The following SEC24A variants were observed in gnomAD, a reference collection of about 807,000 sequenced individuals.
The protein encoded by SEC24A is protein transport protein Sec24A.
Under a neutral mutation model 129.4 loss-of-function variants are expected in SEC24A, and 93 were observed. The ratio of observed to expected loss-of-function variants is 0.72; its 90% confidence interval spans 0.61 to 0.85. The LOEUF is 0.85. Among genes scored for constraint, SEC24A ranks in the 40% least tolerant of loss-of-function variants. The pLI is 0.00. For missense variants in SEC24A, 1,264 were observed against 1,307.4 expected, an observed-to-expected ratio of 0.97 and a Z score of 0.51; for synonymous variants, 460 against 467.3, an observed-to-expected ratio of 0.98 and a Z score of 0.20.
chr5:134,679,551 A>C, intron 7 of SEC24A, 51 bp from the exon 8 acceptor site: 1 of 1,367,864 alleles, frequency 7.3e-7, no homozygotes, highest in Non-Finnish European at 1.0e-6. Flanking sequence ...TTATGTTTTC[A>C]ACATGATGAT....
In SEC24A at chr5:134,693,797, G is replaced by T; in HGVS notation, c.1850G>T (p.Gly617Val). Residue 617 changes from glycine to valine, a missense_variant, in exon 13 of 23, where the codon GGT becomes GTT. Physicochemically the swap from Gly to Val is moderately radical, Grantham distance 109. Transcript: ENST00000398844. ...ACTCTGGAGACCCAGAGTGCCTTGG[G>T]TCCTGCACTGCAGGCTGCCTTTAAG... ...TKTLETQSAL[G>V]PALQAAFKLM... 5.0e-6 allele frequency: 8 copies of T among 1,614,144 alleles called. No individual in the cohort carries two copies. Among genetic ancestry groups the T allele is most frequent in the Non-Finnish European group, 5.9e-6 (7 of 1,180,026 alleles).
In SEC24A at chr5:134,702,542, C is replaced by T. The variant is rs528594189; in HGVS notation, c.2267-1217C>T. The stretch of plus-strand genomic sequence containing the variant: ...ATGGTATATATCACTTGGTATATAC[C>T]GAATTTCCTATACATTTGCATACTT... On this transcript the variant is annotated intron_variant, in intron 15 of 22. Transcript: ENST00000398844. 1.2e-4 allele frequency among the ~76,000 whole-genome samples: 18 copies of T among 151,852 alleles called. No homozygotes were observed. In the South Asian group the frequency reaches 2.7e-3, roughly 23 times the overall value.
chr5:134,692,186 A>G (rs1751680488), intron 11 of SEC24A, among the ~76,000 whole-genome samples: 1 of 150,876 alleles, frequency 6.6e-6, no homozygotes, highest in Non-Finnish European at 1.5e-5. Context: ...AGCTGGGACT[A>G]TAGGCATGTA....
In SEC24A at chr5:134,703,779, C is replaced by T. The variant is rs1214092178; in HGVS notation, c.2287C>T (p.His763Tyr). Residue 763 changes from histidine (H) to tyrosine (Y), a missense_variant, in exon 16 of 23, where the codon CAT becomes TAT. Transcript: ENST00000398844. ...TCTAGGTCTTTCCATTCATACTTTCCATGGAAACTTCTTTGTTAGGTCAAC... is the reference window on the plus strand; with the variant it reads ...TCTAGGTCTTTCCATTCATACTTTCTATGGAAACTTCTTTGTTAGGTCAAC... Reference protein sequence around the residue: ...CTKGLSIHTFHGNFFVRSTDL... With the variant: ...CTKGLSIHTFYGNFFVRSTDL... The T allele has an allele frequency of 2.5e-6, 4 of 1,611,322 alleles. No individual in the cohort carries two copies. In the African/African-American group the frequency reaches 4.0e-5, roughly 16 times the overall value.
intron 9 of SEC24A, among the ~76,000 whole-genome samples, chr5:134,685,514 A>G (rs1238943604): frequency 6.6e-6 from 1 of 152,216 alleles, no homozygotes; most frequent in Non-Finnish European, 1.5e-5. Context: ...CAAATAATAC[A>G]CTATTGTATG....
At chr5:134,719,775 C>T (rs780289568) in intron 20 of SEC24A, among the ~76,000 whole-genome samples, 9 of 152,032 alleles carry the variant, frequency 5.9e-5, no homozygotes, top group East Asian at 1.9e-4. Context: ...CACCTTAGGT[C>T]GGGAGTTCAA....
At chr5:134,680,813 T>G (rs1054420569) in intron 8 of SEC24A, among the ~76,000 whole-genome samples, 1 of 152,032 alleles carries the variant, frequency 6.6e-6, no homozygotes, top group African/African-American at 2.4e-5. Context: ...AAAACCAGTT[T>G]TATTGGATGG....
At position 134,674,774 on chromosome 5, in the gene SEC24A, A is replaced by G; in HGVS notation, c.977A>G (p.Gln326Arg). The G allele has an allele frequency of 6.2e-7, 1 of 1,609,792 alleles. No individual in the cohort carries two copies. ...CCAAGTGGGCCACAAGCCTTTACTCAGGTAAACTTTTTGGGATTTTCTTTA... is the reference window on the plus strand; with the variant it reads ...CCAAGTGGGCCACAAGCCTTTACTCGGGTAAACTTTTTGGGATTTTCTTTA... ...NYPSGPQAFT[Q>R]TPLGANHLTT... Residue 326 changes from glutamine (Q) to arginine (R), a missense_variant and splice_region_variant, in exon 5 of 23, where the codon CAG becomes CGG. Physicochemically the swap from Gln to Arg is conservative, Grantham distance 43. Coordinates refer to ENST00000398844, the MANE Select transcript of SEC24A (RefSeq NM_021982.3).
At chr5:134,659,793 C>T (rs1214664496) in intron 1 of SEC24A, among the ~76,000 whole-genome samples, 1 of 151,946 alleles carries the variant, frequency 6.6e-6, no homozygotes, top group African/African-American at 2.4e-5. Flanking sequence ...CTGGGACTTA[C>T]AGGCAGGCGC....
chr5:134,692,485 GT>G, intron 11 of SEC24A, 116 bp from the exon 12 acceptor site: 1 of 606,364 alleles, frequency 1.6e-6, no homozygotes, highest in Non-Finnish European at 3.0e-6. Flanking sequence ...TGCTATAATA[GT>G]GGAGGAGGTG....
At chr5:134,687,414 T>C (rs967065295) in intron 10 of SEC24A, among the ~76,000 whole-genome samples, 6 of 152,216 alleles carry the variant, frequency 3.9e-5, no homozygotes, top group Admixed American at 2.6e-4. Flanking sequence ...TATACACACA[T>C]TGCATTTGGT....
intron 15 of SEC24A, among the ~76,000 whole-genome samples, chr5:134,701,571 C>T (rs576043148): frequency 2.0e-5 from 3 of 150,574 alleles, no homozygotes; most frequent in East Asian, 2.0e-4. Context: ...AGTGTAATGG[C>T]GCAGTCTCGG....
intron 19 of SEC24A, among the ~76,000 whole-genome samples, chr5:134,715,986 A>G (rs1752466482): frequency 6.6e-6 from 1 of 152,114 alleles, no homozygotes; most frequent in Non-Finnish European, 1.5e-5. Flanking sequence ...TTACATCTGA[A>G]CACCCAGTTC....
intron 14 of SEC24A, 149 bp downstream of exon 14, chr5:134,697,395 A>T (rs979537524): frequency 2.4e-5 from 15 of 621,552 alleles, no homozygotes; most frequent in Admixed American, 5.3e-5. Context: ...AAAACCTTAT[A>T]GTCTTCTACT....
Position 134,715,113 on chromosome 5 carries a change from G to C in SEC24A, c.2817G>C (p.Met939Ile), listed in dbSNP as rs1203950486. ...AAAACCAGCCCTTGGTTTACCTTAT[G>C]CTCACAACTCATCCCAGTTTGTATA... ...QVKNQPLVYL[M>I]LTTHPSLYRV... Residue 939 changes from methionine (M) to isoleucine (I), a missense_variant, in exon 19 of 23, where the codon ATG (methionine) becomes ATC (isoleucine). Transcript: ENST00000398844. The C allele has an allele frequency of 6.2e-7, 1 of 1,610,806 alleles. No homozygotes were observed. Among genetic ancestry groups the C allele is most frequent in the Admixed American group, 1.7e-5 (1 of 59,036 alleles).
chr5:134,696,375 G>C (rs761678607), intron 13 of SEC24A, among the ~76,000 whole-genome samples: 27 of 151,580 alleles, frequency 1.8e-4, no homozygotes, highest in Non-Finnish European at 3.4e-4. Context: ...ACAGTTTCCA[G>C]CATACTGAAC....
chr5:134,709,232 A>C (rs1189977864), intron 18 of SEC24A, among the ~76,000 whole-genome samples: 1 of 152,000 alleles, frequency 6.6e-6, no homozygotes, highest in African/African-American at 2.4e-5. Context: ...AAAGAAAGAA[A>C]CGAACACGAT....
At position 134,688,743 on chromosome 5, in the gene SEC24A, G is replaced by A. The variant is rs564377575; in HGVS notation, c.1723+444G>A. ...CGCCCAGGCTGTAGTGCAGTGGCACGATCTTGGCTTACTGCAGCCTATGCC... is the reference window on the plus strand; with the variant it reads ...CGCCCAGGCTGTAGTGCAGTGGCACAATCTTGGCTTACTGCAGCCTATGCC... On this transcript the variant is annotated intron_variant, in intron 11 of 22. Transcript: ENST00000398844. Among the ~76,000 whole-genome samples the A allele has an allele frequency of 2.6e-5, 4 of 152,046 alleles. No individual in the cohort carries two copies. In the South Asian group the frequency reaches 6.2e-4, roughly 24 times the overall value.
In SEC24A at chr5:134,682,395, C is replaced by A. The variant is rs199640839; in HGVS notation, c.1404C>A (p.Asn468Lys). 1 of 1,597,096 alleles carries A rather than the reference C, an allele frequency of 6.3e-7. No homozygotes were observed. The highest frequency in any genetic ancestry group is 8.6e-7 in the Non-Finnish European group (1 of 1,165,796). Residue 468 changes from asparagine to lysine, a missense_variant, in exon 9 of 23, where the codon AAC becomes AAA. Coordinates refer to ENST00000398844, the MANE Select transcript of SEC24A (RefSeq NM_021982.3). ...VNDVPEEFLY[N>K]PLTRVYGEPH... ...TAGTTCCTGAAGAATTCTTGTACAA[C>A]CCTTTGACCAGAGTTTATGGAGAAC...
Sources: allele counts gnomAD v4.1 joint callset (sites outside exome capture counted in the v4.1 genomes callset), GRCh38; gene constraint gnomAD v4.1.1; transcripts MANE v1.5; gene names NCBI Gene and HGNC (gene_info 2026-07-23, HGNC 2026-07-21).